The following NNT variants were observed in gnomAD, a reference collection of about 807,000 sequenced individuals.
NNT encodes nicotinamide nucleotide transhydrogenase.
In NNT, 50 loss-of-function variants were observed where a neutral mutation model predicts 104.8. The ratio of observed to expected loss-of-function variants is 0.48; its 90% CI spans 0.38 to 0.60. The LOEUF is 0.60. Among genes scored for constraint, NNT ranks in the 20% least tolerant of loss-of-function variants. NNT has a pLI of 0.00. For missense variants in NNT, 1,131 were observed against 1,330.7 expected (o/e 0.85, Z 2.33); for synonymous variants, 461 against 490.4 (o/e 0.94, Z 0.79).
Position 43,704,612 on chromosome 5 carries a change from G to A in NNT, c.*208G>A. 1 of 456,414 alleles carries A rather than the reference G, an allele frequency of 2.2e-6. No homozygotes were observed. Among genetic ancestry groups the A allele is most frequent in the Non-Finnish European group, 3.8e-6 (1 of 261,782 alleles). 28.3% of individuals were successfully genotyped at this position (456,414 alleles called of 1,614,324 possible). A position where few individuals can be genotyped will look rare whatever the true frequency, so the allele number is the denominator to read the frequency against. ...TAAAAAAGGATTGAAAATTCTAAATGTCTTTCTGTGCATATTTTTTGTGTT... is the reference window on the plus strand; with the variant it reads ...TAAAAAAGGATTGAAAATTCTAAATATCTTTCTGTGCATATTTTTTGTGTT... On this transcript the variant is annotated 3_prime_UTR_variant, in exon 22 of 22. Transcript: ENST00000344920.
chr5:43,676,570 G>A (rs1394194023), intron 18 of NNT, among the ~76,000 whole-genome samples: 1 of 152,142 alleles, frequency 6.6e-6, no homozygotes, highest in African/African-American at 2.4e-5. Context: ...GATGGAAGCA[G>A]ATAAATGAAA....
chr5:43,670,964 C>G (rs111411125), intron 17 of NNT, among the ~76,000 whole-genome samples: 1,746 of 152,216 alleles, frequency 0.011, 20 homozygotes, highest in African/African-American at 0.039. Context: ...AATCCGGGTG[C>G]CCCTGTATTG....
chr5:43,680,273 T>C (rs2112124748), intron 19 of NNT, among the ~76,000 whole-genome samples: 1 of 152,346 alleles, frequency 6.6e-6, no homozygotes, highest in South Asian at 2.1e-4. Context: ...GCTAGCTTTT[T>C]TCCTTTTTTT....
At chr5:43,669,883 A>G (rs1216491500) in intron 17 of NNT, among the ~76,000 whole-genome samples, 1 of 152,158 alleles carries the variant, frequency 6.6e-6, no homozygotes, top group Non-Finnish European at 1.5e-5. Context: ...TACCTCTGGT[A>G]GAATTCAGCT....
chr5:43,686,512 A>G (rs1741999208), intron 19 of NNT, among the ~76,000 whole-genome samples: 1 of 152,048 alleles, frequency 6.6e-6, no homozygotes, highest in South Asian at 2.1e-4. Context: ...AAATACAAAT[A>G]ATTTCTGGCT....
intron 1 of NNT, among the ~76,000 whole-genome samples, chr5:43,608,702 A>C (rs1470852660): frequency 6.6e-6 from 1 of 152,188 alleles, no homozygotes; most frequent in Non-Finnish European, 1.5e-5. Context: ...TCACCATTAT[A>C]CTGTACAGTA....
At chr5:43,630,188 A>G (rs1183634344) in intron 7 of NNT, among the ~76,000 whole-genome samples, 1 of 152,188 alleles carries the variant, frequency 6.6e-6, no homozygotes, top group African/African-American at 2.4e-5. Context: ...ATTCTTCTGC[A>G]TGTGGCTTGC....
intron 4 of NNT, among the ~76,000 whole-genome samples, chr5:43,616,942 CTTTTTA>C (rs1258861633): frequency 6.6e-6 from 1 of 151,972 alleles, no homozygotes; most frequent in African/African-American, 2.4e-5. Flanking sequence ...AGAAAATAAC[CTTTTTA>C]AAAAAACAGT....
At position 43,658,644 on chromosome 5, in the gene NNT, A is replaced by G. The variant is rs1580058427; in HGVS notation, c.2455-527A>G. Among the ~76,000 whole-genome samples, 5 of 152,194 alleles carry G rather than the reference A, an allele frequency of 3.3e-5. No homozygotes were observed. In the South Asian group the frequency reaches 8.3e-4, roughly 25 times the overall value. On this transcript the variant is annotated intron_variant, in intron 16 of 21. Transcript: ENST00000344920. ...CTCACATATGTGTAGTTCAAGAGTC[A>G]TCCAGAGATTTGAGTAGAATTTATA...
chr5:43,682,562 G>A (rs553470787), intron 19 of NNT, among the ~76,000 whole-genome samples: 9 of 152,290 alleles, frequency 5.9e-5, no homozygotes, highest in African/African-American at 2.2e-4. Flanking sequence ...ACAAAGTCCA[G>A]CCTTCTTGGA....
chr5:43,649,365 A>T, intron 11 of NNT, 57 bp downstream of exon 11: 2 of 1,581,000 alleles, frequency 1.3e-6, no homozygotes, highest in Middle Eastern at 1.7e-4. Flanking sequence ...ACTCAGCTCT[A>T]GGAGGACTAT....
At chr5:43,700,095 G>T (rs1742770808) in intron 19 of NNT, 24 bp from the exon 20 acceptor site, 1 of 1,580,944 alleles carries the variant, frequency 6.3e-7, no homozygotes, top group South Asian at 1.1e-5. Context: ...AGTAAGGCCA[G>T]CTCTTCATTT....
At chr5:43,671,744 A>G (rs936877099) in intron 17 of NNT, among the ~76,000 whole-genome samples, 2 of 152,060 alleles carry the variant, frequency 1.3e-5, no homozygotes, top group Non-Finnish European at 2.9e-5. Context: ...ACTTTGGTGA[A>G]TGTGACAATT....
chr5:43,655,915 T>C lies in NNT; in HGVS notation c.2135T>C (p.Leu712Ser), dbSNP rs772107079. 6.2e-7 allele frequency: 1 copy of C among 1,614,238 alleles called. No homozygotes were observed. The highest frequency in any genetic ancestry group is 2.2e-5 in the East Asian group (1 of 44,884). The change falls in exon 15 of 22, where the codon TTG (leucine) becomes TCG (serine). Residue 712 changes from leucine (L) to serine (S), a missense_variant. By Grantham distance (145) the Leu-to-Ser change is moderately radical. Coordinates refer to ENST00000344920, the MANE Select transcript of NNT (RefSeq NM_182977.3). ...LVAAFHSLVG[L>S]AAVLTCIAEY... ...GCTGCTTTTCACAGTTTAGTGGGTTTGGCAGCTGTACTTACTTGCATAGCT... is the reference window on the plus strand; with the variant it reads ...GCTGCTTTTCACAGTTTAGTGGGTTCGGCAGCTGTACTTACTTGCATAGCT...
chr5:43,610,201 CTTTTT>C (rs3054076), intron 2 of NNT, among the ~76,000 whole-genome samples: 8 of 126,120 alleles, frequency 6.3e-5, no homozygotes, highest in Admixed American at 8.1e-5. Flanking sequence ...AACTGTCTGT[CTTTTT>C]TTTTTTTTTT....
intron 1 of NNT, among the ~76,000 whole-genome samples, chr5:43,604,959 AC>A (rs1326292456): frequency 6.6e-6 from 1 of 152,098 alleles, no homozygotes; most frequent in Non-Finnish European, 1.5e-5. Flanking sequence ...GGCGTGAGCC[AC>A]CACCCTGGGT....
chr5:43,691,281 T>A (rs1453058009), intron 19 of NNT, among the ~76,000 whole-genome samples: 4 of 152,158 alleles, frequency 2.6e-5, no homozygotes, highest in Admixed American at 6.5e-5. Flanking sequence ...TTGTATTTTT[T>A]AAAATAGAGA....
At position 43,615,929 on chromosome 5, in the gene NNT, A is replaced by G; in HGVS notation, c.463A>G (p.Ile155Val). ...GACATCAGGAACGCTGATTAGTTTT[A>G]TTTACCCAGCCCAAAATCCAGAGTT... ...LKTSGTLISF[I>V]YPAQNPELLN... The change falls in exon 4 of 22, where the codon ATT (isoleucine) becomes GTT (valine). Residue 155 changes from isoleucine (I) to valine (V), a missense_variant. Coordinates refer to ENST00000344920, the MANE Select transcript of NNT (RefSeq NM_182977.3). 3 of 1,614,142 alleles carry G rather than the reference A, an allele frequency of 1.9e-6. No homozygotes were observed. Among genetic ancestry groups the G allele is most frequent in the Non-Finnish European group, 2.5e-6 (3 of 1,180,006 alleles).
At chr5:43,696,205 G>A (rs953838205) in intron 19 of NNT, among the ~76,000 whole-genome samples, 6 of 152,158 alleles carry the variant, frequency 3.9e-5, no homozygotes, top group African/African-American at 7.2e-5. Context: ...ATACAATTGG[G>A]TAAATACACC....
Sources: gnomAD v4.1 joint callset for allele counts (sites outside exome capture counted in the v4.1 genomes callset) on GRCh38, gnomAD v4.1.1 for gene constraint, MANE v1.5 for transcripts, NCBI Gene and HGNC (gene_info 2026-07-23, HGNC 2026-07-21) for gene names.